RASGRP4: variants seen among roughly 807,000 people sequenced by gnomAD.
The protein encoded by RASGRP4 is RAS guanyl releasing protein 4.
Under a neutral mutation model 84.4 loss-of-function variants are expected in RASGRP4, and 52 were observed. That is an observed-to-expected ratio of 0.62 (90% CI 0.49 to 0.78). The LOEUF is 0.78. RASGRP4 is among the 30% of genes least tolerant of loss of function. RASGRP4 has a pLI of 0.00. For missense variants in RASGRP4, 760 were observed against 886.9 expected (o/e 0.86, Z 1.82); for synonymous variants, 356 against 359.1 (o/e 0.99, Z 0.10).
At position 38,418,521 on chromosome 19, in the gene RASGRP4, C is replaced by A; in HGVS notation, c.707G>T (p.Gly236Val). 1 of 1,551,600 alleles carries A rather than the reference C, an allele frequency of 6.4e-7. No individual in the cohort carries two copies. Among genetic ancestry groups the A allele is most frequent in the Non-Finnish European group, 8.7e-7 (1 of 1,147,992 alleles). The change falls in exon 7 of 17, where the codon GGC becomes GTC. Residue 236 changes from glycine (G) to valine (V), a missense_variant. Transcript: ENST00000615439. This position sits in a 1 kb window ranked among gnomAD's most constrained non-coding sequence, Gnocchi z 4.6. ...RSYVLQGSVR[G>V]CPALEGSVGL... ...TACGGAGCCCTCCAGGGCCGGGCAG[C>A]CTCGTACTGAGCCCTGCAAAACGTA... is the stretch of plus-strand genomic sequence containing the variant.
rs1032782384 is a variant in RASGRP4 at position 38,417,589 on chromosome 19, G to A, written c.838-421C>T. Among the ~76,000 whole-genome samples the A allele has an allele frequency of 2.6e-5, 4 of 152,150 alleles. No individual in the cohort carries two copies. Among genetic ancestry groups the A allele is most frequent in the African/African-American group, 9.7e-5 (4 of 41,420 alleles). ...GGTGCAGGCTCTGGGCAGGAGCTGG[G>A]AGCCAGGCAGAGGTGAATAGGGCCA... is the stretch of plus-strand genomic sequence containing the variant. On this transcript the variant is annotated intron_variant, in intron 7 of 16. Coordinates refer to ENST00000615439, the MANE Select transcript of RASGRP4 (RefSeq NM_170604.3). The surrounding 1 kb of genome is among the most constrained non-coding windows in gnomAD (Gnocchi z 5.1).
At chr19:38,422,734 C>T (rs1384857056) in intron 1 of RASGRP4, among the ~76,000 whole-genome samples, 1 of 152,018 alleles carries the variant, frequency 6.6e-6, no homozygotes, top group African/African-American at 2.4e-5. Flanking sequence ...CTCAGGGCTC[C>T]CACTGATTCT....
chr19:38,421,977 T>C lies in RASGRP4; in HGVS notation c.200A>G (p.Gln67Arg), dbSNP rs1252343812. ...GGGGAGAGGACACTTACCGAAGGAC[T>C]GGATGCATTTCTCCAGCAGCTCATC... ...SEDELLEKCI[Q>R]SFDSAGSLCH... The change falls in exon 2 of 17, where the codon CAG becomes CGG. Residue 67 changes from glutamine to arginine, a missense_variant. By Grantham distance (43) the Gln-to-Arg change is conservative. Coordinates refer to ENST00000615439, the MANE Select transcript of RASGRP4 (RefSeq NM_170604.3). The C allele has an allele frequency of 1.9e-6, 3 of 1,611,414 alleles. No homozygotes were observed. Among genetic ancestry groups the C allele is most frequent in the Admixed American group, 1.7e-5 (1 of 59,726 alleles).
chr19:38,421,742 T>G (rs1428706377), intron 2 of RASGRP4, among the ~76,000 whole-genome samples: 1 of 148,720 alleles, frequency 6.7e-6, no homozygotes, highest in Non-Finnish European at 1.5e-5. Flanking sequence ...GAAAAAAGAT[T>G]TATATAAATA....
Position 38,418,394 on chromosome 19 carries a change from T to C in RASGRP4, c.834A>G (p.Ala278=). Residue 278 remains alanine, a synonymous_variant, in exon 7 of 17, where the codon GCA becomes GCG. Coordinates refer to ENST00000615439, the MANE Select transcript of RASGRP4 (RefSeq NM_170604.3). This position sits in a 1 kb window ranked among gnomAD's most constrained non-coding sequence, Gnocchi z 4.6. ...AGCCCCAAGGGGCGGGCCTCACCTG[T>C]GCCACGTGAATGAACTTGTCCAGCA... ...AQVLDKFIHV[A]QRLHQLQNFN... 1 of 1,604,534 alleles carries C rather than the reference T, an allele frequency of 6.2e-7. No homozygotes were observed. Among genetic ancestry groups the C allele is most frequent in the South Asian group, 1.1e-5 (1 of 89,172 alleles).
rs900921150 is a variant in RASGRP4 at position 38,420,905 on chromosome 19, T to C, written c.377+3A>G. On this transcript the variant is annotated splice_donor_region_variant and intron_variant, in intron 4 of 16. Coordinates refer to ENST00000615439, the MANE Select transcript of RASGRP4 (RefSeq NM_170604.3). ...GAGAGTGGGGATCTCGGCCCAGCCCTACCTGACCAGGTGACAGATCTGCAG... is the reference window on the plus strand; with the variant it reads ...GAGAGTGGGGATCTCGGCCCAGCCCCACCTGACCAGGTGACAGATCTGCAG... 6.2e-7 allele frequency: 1 copy of C among 1,605,844 alleles called. No homozygotes were observed. Among genetic ancestry groups the C allele is most frequent in the Admixed American group, 1.7e-5 (1 of 59,376 alleles).
In RASGRP4 at chr19:38,413,072, A is replaced by T; in HGVS notation, c.1417-23T>A. ...AGACTTCAGAGGAGTGTGGGGAAGCAGATAAGGCCCAGTTGTCGAAATATG... is the reference window on the plus strand; with the variant it reads ...AGACTTCAGAGGAGTGTGGGGAAGCTGATAAGGCCCAGTTGTCGAAATATG... On this transcript the variant is annotated intron_variant, in intron 11 of 16. Coordinates refer to ENST00000615439, the MANE Select transcript of RASGRP4 (RefSeq NM_170604.3). This position sits in a 1 kb window ranked among gnomAD's most constrained non-coding sequence, Gnocchi z 4.7. The T allele has an allele frequency of 6.2e-7, 1 of 1,601,232 alleles. No homozygotes were observed. Among genetic ancestry groups the T allele is most frequent in the Non-Finnish European group, 8.6e-7 (1 of 1,168,256 alleles).
At position 38,410,999 on chromosome 19, in the gene RASGRP4, C is replaced by T; in HGVS notation, c.1853-1G>A. ...GTGTAGGAGTGATTTTCCTCGGAGC[C>T]TGTTTGTGGGTGGATGGAAGGGATG... On this transcript the variant is annotated splice_acceptor_variant, in intron 15 of 16. Transcript: ENST00000615439. LOFTEE classifies it high-confidence loss of function. 1.2e-6 allele frequency: 2 copies of T among 1,605,288 alleles called. No homozygotes were observed. Among genetic ancestry groups the T allele is most frequent in the Non-Finnish European group, 1.7e-6 (2 of 1,176,014 alleles).
rs368210832 is a variant in RASGRP4 at position 38,418,154 on chromosome 19, G to C, written c.837+237C>G. 9.9e-5 allele frequency among the ~76,000 whole-genome samples: 15 copies of C among 152,156 alleles called. 1 individual carries two copies. In the South Asian group the frequency reaches 2.7e-3, roughly 27 times the overall value. ...TAGAATATTCGGGCATAGGGCTTGG[G>C]AGCCTGTCACGTCTAGGGCCAAGGG... On this transcript the variant is annotated intron_variant, in intron 7 of 16. Coordinates refer to ENST00000615439, the MANE Select transcript of RASGRP4 (RefSeq NM_170604.3). This position sits in a 1 kb window ranked among gnomAD's most constrained non-coding sequence, Gnocchi z 4.6.
chr19:38,415,530 C>T (rs922031197), intron 8 of RASGRP4, among the ~76,000 whole-genome samples: 7 of 151,720 alleles, frequency 4.6e-5, no homozygotes, highest in South Asian at 2.1e-4. Flanking sequence ...TGAGCCACCA[C>T]GCCAGGCTAA....
chr19:38,419,198 A>C (rs1699111533), intron 6 of RASGRP4, among the ~76,000 whole-genome samples: 1 of 152,158 alleles, frequency 6.6e-6, no homozygotes, highest in Admixed American at 6.5e-5. Flanking sequence ...GAAGCACATG[A>C]AACTGATCCT....
At chr19:38,425,945 C>T (rs967037962) in intron 1 of RASGRP4, 124 bp downstream of exon 1, 19 of 716,378 alleles carry the variant, frequency 2.7e-5, no homozygotes, top group Admixed American at 2.2e-4. Context: ...ATCCACCTGG[C>T]CCCCCTGCGC....
rs1229834035 is a variant in RASGRP4, at chr19:38,409,202, T to C, written c.*838A>G. The C allele has an allele frequency of 3.0e-5, 7 of 235,904 alleles. No individual in the cohort carries two copies. The highest frequency in any genetic ancestry group is 5.8e-5 in the Non-Finnish European group (7 of 121,230). 14.6% of individuals were successfully genotyped at this position (235,904 alleles called of 1,614,324 possible). ...CCCTGCTGCTCGACCCTCAAAGTTC[T>C]TTGCCCTATAGCACATCTATCCTGT... On this transcript the variant is annotated 3_prime_UTR_variant, in exon 17 of 17. Coordinates refer to ENST00000615439, the MANE Select transcript of RASGRP4 (RefSeq NM_170604.3).
Position 38,417,181 on chromosome 19 carries a change from G to A in RASGRP4, c.838-13C>T. On this transcript the variant is annotated splice_polypyrimidine_tract_variant and intron_variant, in intron 7 of 16. Transcript: ENST00000615439. The surrounding 1 kb of genome is among the most constrained non-coding windows in gnomAD (Gnocchi z 5.1). The stretch of plus-strand genomic sequence containing the variant: ...GCTGGTGGAGCCTCTAGGAAGAGAA[G>A]CATGCACACAGGGCCGTCACGGGAG... 1 of 1,526,064 alleles carries A rather than the reference G, an allele frequency of 6.6e-7. No homozygotes were observed. Among genetic ancestry groups the A allele is most frequent in the Non-Finnish European group, 8.9e-7 (1 of 1,123,012 alleles). 94.5% of individuals were successfully genotyped at this position (1,526,064 alleles called of 1,614,324 possible). A position where few individuals can be genotyped will look rare whatever the true frequency, so the allele number is the denominator to read the frequency against.
Position 38,411,339 on chromosome 19 carries a change from A to T in RASGRP4, c.1717+6T>A. The T allele has an allele frequency of 6.2e-7, 1 of 1,603,680 alleles. No individual in the cohort carries two copies. The highest frequency in any genetic ancestry group is 1.1e-5 in the South Asian group (1 of 89,534). On this transcript the variant is annotated splice_donor_region_variant and intron_variant, in intron 14 of 16. Transcript: ENST00000615439. ...CTTCCCTCCCACTCACTGACACCCC[A>T]CTCACCCCGACAGCGGTAGCCTTGC...
At chr19:38,426,044 G>A in intron 1 of RASGRP4, 25 bp downstream of exon 1, 1 of 1,366,572 alleles carries the variant, frequency 7.3e-7, no homozygotes, top group Non-Finnish European at 9.5e-7. Flanking sequence ...GGTGCTGCCG[G>A]GCTCCCTGGG....
rs1433693629 is a variant in RASGRP4 at position 38,409,862 on chromosome 19, T to C, written c.*178A>G. The C allele has an allele frequency of 5.4e-6, 3 of 554,106 alleles. No individual in the cohort carries two copies. The highest frequency in any genetic ancestry group is 9.8e-6 in the Non-Finnish European group (3 of 307,556). The allele number at this position is 554,106 out of a possible 1,614,324, so 34.3% of individuals were successfully genotyped here. A position where few individuals can be genotyped will look rare whatever the true frequency, so the allele number is the denominator to read the frequency against. ...GGAGCAGGATTAGCATCCACCAGGATGCAAAAGAGGAAAGTCACTTCCAGG... is the reference window on the plus strand; with the variant it reads ...GGAGCAGGATTAGCATCCACCAGGACGCAAAAGAGGAAAGTCACTTCCAGG... On this transcript the variant is annotated 3_prime_UTR_variant, in exon 17 of 17. Coordinates refer to ENST00000615439, the MANE Select transcript of RASGRP4 (RefSeq NM_170604.3).
intron 5 of RASGRP4, 41 bp from the exon 6 acceptor site, chr19:38,420,054 T>A: frequency 1.2e-6 from 2 of 1,609,514 alleles, no homozygotes; most frequent in Non-Finnish European, 1.7e-6. Flanking sequence ...TGGCTCACAG[T>A]TGAGGGCTTG....
At chr19:38,420,362 G>T (rs1971689670) in intron 4 of RASGRP4, 100 bp from the exon 5 acceptor site, 2 of 1,335,424 alleles carry the variant, frequency 1.5e-6, no homozygotes, top group Admixed American at 2.6e-5. Context: ...GAGCTAGGGG[G>T]TCTCTAAATG....
Sources: gnomAD v4.1 joint callset for allele counts (sites outside exome capture counted in the v4.1 genomes callset) on GRCh38, gnomAD v4.1.1 for gene constraint, Gnocchi (gnomAD v3.1) non-coding constraint, MANE v1.5 for transcripts, NCBI Gene and HGNC (gene_info 2026-07-23, HGNC 2026-07-21) for gene names.